Variants in SPAG16 observed in about 807,000 individuals in gnomAD.
SPAG16 encodes the protein sperm associated antigen 16.
In SPAG16, 86 loss-of-function variants were observed where a neutral mutation model predicts 80.4. The ratio of observed to expected loss-of-function variants is 1.07; its 90% CI spans 0.90 to 1.28. The LOEUF is 1.28. Ranked by LOEUF, SPAG16 falls within the 50% of genes most tolerant of loss-of-function variation. The probability of loss-of-function intolerance (pLI) is 0.00; values close to 1 mark genes in which losing one functional copy is unlikely to be tolerated. For synonymous variants in SPAG16, 294 were observed against 265.9 expected, an observed-to-expected ratio of 1.11 and a Z score of -1.03; for missense variants, 870 against 765.3, an observed-to-expected ratio of 1.14 and a Z score of -1.61.
Position 213,905,787 on chromosome 2 carries a change from G to C in SPAG16, c.1215-24173G>C, listed in dbSNP as rs1188962590. Among the ~76,000 whole-genome samples the C allele has an allele frequency of 2.6e-5, 4 of 152,046 alleles. No homozygotes were observed. In the East Asian group the frequency reaches 7.7e-4, roughly 29 times the overall value. On this transcript the variant is annotated intron_variant, in intron 11 of 15. Coordinates refer to ENST00000331683, the MANE Select transcript of SPAG16 (RefSeq NM_024532.5). ...ATGTTGGGAAGATAAATTTTAAAGG[G>C]GTTATAAGCGATGCCCACCCTCCAA...
chr2:213,320,218 A>G (rs576196955), intron 5 of SPAG16, among the ~76,000 whole-genome samples: 10 of 152,080 alleles, frequency 6.6e-5, no homozygotes, highest in African/African-American at 1.9e-4. Flanking sequence ...TTTTATTGAT[A>G]CATCATAATT....
intron 10 of SPAG16, among the ~76,000 whole-genome samples, chr2:213,718,406 CA>C (rs1346213491): frequency 6.6e-6 from 1 of 152,208 alleles, no homozygotes; most frequent in African/African-American, 2.4e-5. Context: ...AGGAGCCCTT[CA>C]GTCCCCCCAC....
intron 9 of SPAG16, among the ~76,000 whole-genome samples, chr2:213,468,534 G>GAT (rs4055801): frequency 3.4e-4 from 40 of 118,792 alleles, no homozygotes; most frequent in South Asian, 1.6e-3. Flanking sequence ...TTTATATATA[G>GAT]ATATATATAT....
chr2:214,159,195 T>G lies in SPAG16; in HGVS notation c.1720+9929T>G, dbSNP rs547184783. 2.6e-5 allele frequency among the ~76,000 whole-genome samples: 4 copies of G among 152,110 alleles called. No individual in the cohort carries two copies. The South Asian group carries it at 8.3e-4, about 32-fold the overall frequency. Reference sequence around the variant, plus strand: ...AAAGATGACATTCTTCATACATACTTTAATCAATAGAAATAAATTTATACA... The same window carrying G: ...AAAGATGACATTCTTCATACATACTGTAATCAATAGAAATAAATTTATACA... On this transcript the variant is annotated intron_variant, in intron 15 of 15. Transcript: ENST00000331683.
chr2:213,316,088 A>G (rs2063388063), intron 4 of SPAG16, among the ~76,000 whole-genome samples: 1 of 151,924 alleles, frequency 6.6e-6, no homozygotes, highest in South Asian at 2.1e-4. Context: ...TGAACTCTGA[A>G]CATGTATACT....
intron 10 of SPAG16, among the ~76,000 whole-genome samples, chr2:213,771,101 C>G (rs2069218755): frequency 6.6e-6 from 1 of 152,132 alleles, no homozygotes; most frequent in Non-Finnish European, 1.5e-5. Flanking sequence ...GTTCCTATTT[C>G]TCCACAGCTT....
At chr2:213,851,036 CT>C (rs2074878348) in intron 10 of SPAG16, among the ~76,000 whole-genome samples, 1 of 152,036 alleles carries the variant, frequency 6.6e-6, no homozygotes, top group South Asian at 2.1e-4. Flanking sequence ...AACCTGAAGA[CT>C]TTTCCTAGAG....
intron 10 of SPAG16, among the ~76,000 whole-genome samples, chr2:213,855,418 C>G (rs1430255463): frequency 2.6e-5 from 4 of 152,192 alleles, no homozygotes; most frequent in African/African-American, 7.2e-5. Flanking sequence ...CTCTATGTAT[C>G]CCAGTTCCTC....
At position 213,630,230 on chromosome 2, in the gene SPAG16, AAAAATTAGCTGGGC is replaced by A. The variant is rs1233712712; in HGVS notation, c.1070+140142_1070+140155del. 2.0e-5 allele frequency among the ~76,000 whole-genome samples: 3 copies of A among 152,254 alleles called. No individual in the cohort carries two copies. The East Asian group carries it at 5.8e-4, about 29-fold the overall frequency. On this transcript the variant is annotated intron_variant, in intron 10 of 15. Transcript: ENST00000331683. ...GAAACCTCACCTCTACTAAAAGCAC[AAAAATTAGCTGGGC>A]ATGGTGGCAGATGCCTGCAATCCGA...
At chr2:213,976,648 C>T (rs1021645932) in intron 12 of SPAG16, among the ~76,000 whole-genome samples, 8 of 151,872 alleles carry the variant, frequency 5.3e-5, no homozygotes, top group Non-Finnish European at 1.0e-4. Context: ...TAGAAAAATT[C>T]CAATGTGAGA....
intron 15 of SPAG16, among the ~76,000 whole-genome samples, chr2:214,202,168 C>A (rs995754422): frequency 6.6e-6 from 1 of 152,138 alleles, no homozygotes; most frequent in Non-Finnish European, 1.5e-5. Context: ...TCTTATAACA[C>A]GTTTATTTAC....
intron 9 of SPAG16, among the ~76,000 whole-genome samples, chr2:213,489,743 A>T (rs926494141): frequency 6.6e-6 from 1 of 151,824 alleles, no homozygotes. Flanking sequence ...ATGTAACATG[A>T]GGCTTAGAAT....
At chr2:213,595,234 A>C (rs932090377) in intron 10 of SPAG16, among the ~76,000 whole-genome samples, 2 of 152,174 alleles carry the variant, frequency 1.3e-5, no homozygotes, top group Admixed American at 6.5e-5. Context: ...TCACATTCTA[A>C]CCTATGAACT....
At chr2:213,815,276 G>GA (rs1161573388) in intron 10 of SPAG16, among the ~76,000 whole-genome samples, 1 of 152,046 alleles carries the variant, frequency 6.6e-6, no homozygotes, top group African/African-American at 2.4e-5. Context: ...TCTAGAAAAG[G>GA]AAAATCTACT....
At chr2:213,877,977 T>C (rs1486478624) in intron 11 of SPAG16, among the ~76,000 whole-genome samples, 1 of 152,152 alleles carries the variant, frequency 6.6e-6, no homozygotes, top group African/African-American at 2.4e-5. Flanking sequence ...CTCCATAGAT[T>C]GACCTAGATC....
intron 1 of SPAG16, among the ~76,000 whole-genome samples, chr2:213,292,324 G>A (rs998784874): frequency 7.2e-5 from 11 of 152,162 alleles, no homozygotes; most frequent in Non-Finnish European, 1.6e-4. Context: ...ATAGAAAAGA[G>A]GCTGACTTCC....
intron 10 of SPAG16, among the ~76,000 whole-genome samples, chr2:213,583,978 C>G (rs2060381648): frequency 6.6e-6 from 1 of 152,142 alleles, no homozygotes; most frequent in Admixed American, 6.5e-5. Context: ...AAAAAAAGTA[C>G]CTGACATTCA....
chr2:214,258,471 G>GTGTGTGTGTGTGTATATATATATATATA (rs1553539128), intron 15 of SPAG16, among the ~76,000 whole-genome samples: 5 of 141,446 alleles, frequency 3.5e-5, no homozygotes, highest in Admixed American at 2.2e-4. Flanking sequence ...ATGTGTGTGT[G>GTGTGTGTGTGTGTATATATATATATATA]TATATATATA....
At chr2:213,528,371 T>A (rs2075960263) in intron 10 of SPAG16, among the ~76,000 whole-genome samples, 1 of 152,176 alleles carries the variant, frequency 6.6e-6, no homozygotes, top group Non-Finnish European at 1.5e-5. Context: ...TTTTAAAGTA[T>A]AATTTAATTT....
Sources: allele counts gnomAD v4.1 joint callset (sites outside exome capture counted in the v4.1 genomes callset), GRCh38; gene constraint gnomAD v4.1.1; transcripts MANE v1.5; gene names NCBI Gene and HGNC (gene_info 2026-07-23, HGNC 2026-07-21).